The following DVL2 variants were observed in gnomAD, a reference collection of about 807,000 sequenced individuals.
DVL2 encodes dishevelled segment polarity protein 2.
Under a neutral mutation model 69.8 loss-of-function variants are expected in DVL2, and 38 were observed. The ratio of observed to expected loss-of-function variants is 0.54; its 90% CI spans 0.42 to 0.71. The LOEUF (loss-of-function observed/expected upper bound fraction) is 0.71, where lower values mean the gene tolerates loss of function less well. Among genes scored for constraint, DVL2 ranks in the 30% least tolerant of loss-of-function variants. The pLI, the probability that DVL2 is intolerant of heterozygous loss-of-function variation, is 0.00. For missense variants in DVL2, 931 were observed against 1,008.1 expected, an observed-to-expected ratio of 0.92 and a Z score of 1.04; for synonymous variants, 428 against 392.4, an observed-to-expected ratio of 1.09 and a Z score of -1.07.
chr17:7,226,353 G>A (rs2071447406), intron 14 of DVL2, 40 bp from the exon 15 acceptor site: 1 of 1,535,214 alleles, frequency 6.5e-7, no homozygotes, highest in African/African-American at 1.4e-5. Flanking sequence ...CCTCACCCAG[G>A]CTCCTCCCTG....
chr17:7,225,822 T>C lies in DVL2; in HGVS notation c.*43A>G, dbSNP rs186227085. 1 of 1,553,948 alleles carries C rather than the reference T, an allele frequency of 6.4e-7. No individual in the cohort carries two copies. Among genetic ancestry groups the C allele is most frequent in the East Asian group, 2.2e-5 (1 of 44,578 alleles). On this transcript the variant is annotated 3_prime_UTR_variant, in exon 15 of 15. Transcript: ENST00000005340. ...AGCACATGACGGCCAGGACACCCAGTCACACACCAGGAGCGCCCGGCCCAG... is the reference window on the plus strand; with the variant it reads ...AGCACATGACGGCCAGGACACCCAGCCACACACCAGGAGCGCCCGGCCCAG...
At chr17:7,227,051 G>T in intron 13 of DVL2, 39 bp downstream of exon 13, 1 of 1,569,126 alleles carries the variant, frequency 6.4e-7, no homozygotes. Context: ...AACAAGGTAG[G>T]CAAAGCCACA....
chr17:7,227,261 C>T lies in DVL2; in HGVS notation c.1372G>A (p.Val458Met), dbSNP rs770625484. Residue 458 changes from valine to methionine, a missense_variant, in exon 13 of 15, where the codon GTG becomes ATG. Transcript: ENST00000005340. ...TIPNAFLGSDVVDWLYHHVEG... is the reference protein window; with the variant it reads ...TIPNAFLGSDMVDWLYHHVEG... ...ACGTGATGGTAGAGCCAGTCAACCACATCCGAGCCTGGGAGCACCCACAGT... is the reference window on the plus strand; with the variant it reads ...ACGTGATGGTAGAGCCAGTCAACCATATCCGAGCCTGGGAGCACCCACAGT... 6.2e-7 allele frequency: 1 copy of T among 1,609,098 alleles called. No individual in the cohort carries two copies. The highest frequency in any genetic ancestry group is 8.5e-7 in the Non-Finnish European group (1 of 1,176,630).
chr17:7,227,448 C>T lies in DVL2; in HGVS notation c.1319G>A (p.Arg440Gln), dbSNP rs777251889. The stretch of plus-strand genomic sequence containing the variant: ...GGTGATCTTGAGCCACATGCGGTCC[C>T]GGACTTCCAGTCCAGACTCTGGAGC... ...MAAPESGLEV[R>Q]DRMWLKITIP... Residue 440 changes from arginine to glutamine, a missense_variant, in exon 12 of 15, where the codon CGG (arginine) becomes CAG (glutamine). Around this residue, in one of 3 missense-constraint regions of DVL2, gnomAD observed 62 missense variants for 105.7 expected, o/e 0.59. Coordinates refer to ENST00000005340, the MANE Select transcript of DVL2 (RefSeq NM_004422.3). 5.6e-6 allele frequency: 9 copies of T among 1,614,104 alleles called. No homozygotes were observed. Among genetic ancestry groups the T allele is most frequent in the South Asian group, 2.2e-5 (2 of 91,092 alleles).
In DVL2 at chr17:7,229,323, C is replaced by T. The variant is rs541162244; in HGVS notation, c.818-49G>A. On this transcript the variant is annotated intron_variant, in intron 7 of 14. Transcript: ENST00000005340. This position sits in a 1 kb window ranked among gnomAD's most constrained non-coding sequence, Gnocchi z 4.4. Reference sequence around the variant, plus strand: ...AGAGGAGCCCCTGCCACAGGACGCCCGGAACCCTAGAGACCAGGCCCTCCC... The same window carrying T: ...AGAGGAGCCCCTGCCACAGGACGCCTGGAACCCTAGAGACCAGGCCCTCCC... 110 of 1,613,208 alleles carry T rather than the reference C, an allele frequency of 6.8e-5. 2 individuals carry two copies. The South Asian group carries it at 7.4e-4, about 11-fold the overall frequency.
rs2071603282 is a variant in DVL2, at chr17:7,234,429, G to A, written c.-167C>T. On this transcript the variant is annotated 5_prime_UTR_variant, in exon 1 of 15. Transcript: ENST00000005340. ...CGGATCTGCGAGGGTGGCGGCGGGG[G>A]GCGGGCCGCGGGGTGCGACTCAAAG... 4 of 795,116 alleles carry A rather than the reference G, an allele frequency of 5.0e-6. No individual in the cohort carries two copies. Among genetic ancestry groups the A allele is most frequent in the Non-Finnish European group, 1.9e-6 (1 of 536,768 alleles). The allele number at this position is 795,116 out of a possible 1,614,324, so 49.3% of individuals were successfully genotyped here.
At position 7,234,379 on chromosome 17, in the gene DVL2, GGA is replaced by G; in HGVS notation, c.-119_-118del. The stretch of plus-strand genomic sequence containing the variant: ...GCGCGGACAGGACTGACCCAGTACG[GGA>G]GAGAAGCAAAGGGGAAAAAGCACGG... On this transcript the variant is annotated 5_prime_UTR_variant, in exon 1 of 15. Coordinates refer to ENST00000005340, the MANE Select transcript of DVL2 (RefSeq NM_004422.3). The G allele has an allele frequency of 8.3e-7, 1 of 1,200,660 alleles. No homozygotes were observed. The highest frequency in any genetic ancestry group is 1.5e-5 in the South Asian group (1 of 67,630). 74.4% of individuals were successfully genotyped at this position (1,200,660 alleles called of 1,614,324 possible).
In DVL2 at chr17:7,227,283, C is replaced by T. The variant is rs761918388; in HGVS notation, c.1364-14G>A. 1 of 1,602,778 alleles carries T rather than the reference C, an allele frequency of 6.2e-7. No homozygotes were observed. Among genetic ancestry groups the T allele is most frequent in the Non-Finnish European group, 8.5e-7 (1 of 1,172,476 alleles). ...CCACATCCGAGCCTGGGAGCACCCA[C>T]AGTGGAAAAAGGCCTCAGGTTCTTC... is the stretch of plus-strand genomic sequence containing the variant. On this transcript the variant is annotated splice_polypyrimidine_tract_variant and intron_variant, in intron 12 of 14. Transcript: ENST00000005340.
rs757899070 is a variant in DVL2, at chr17:7,234,118, G to A, written c.145C>T (p.Arg49Trp). 1.9e-6 allele frequency: 3 copies of A among 1,614,184 alleles called. No individual in the cohort carries two copies. ...TLGDFKSVLQ[R>W]PAGAKYFFKS... ...AAAAAGTACTTGGCGCCCGCGGGCC[G>A]CTGCAGGACGCTCTTGAAATCGCCG... The change falls in exon 1 of 15, where the codon CGG becomes TGG. Residue 49 changes from arginine to tryptophan, a missense_variant. By Grantham distance (101) the Arg-to-Trp change is moderately radical (BLOSUM62 -3). Around this residue, in one of 3 missense-constraint regions of DVL2, gnomAD observed 555 missense variants for 588.8 expected, o/e 0.94. Coordinates refer to ENST00000005340, the MANE Select transcript of DVL2 (RefSeq NM_004422.3).
intron 9 of DVL2, 106 bp downstream of exon 9, chr17:7,228,863 C>T (rs1233584878): frequency 1.3e-5 from 15 of 1,192,006 alleles, no homozygotes; most frequent in South Asian, 6.6e-5. Flanking sequence ...TTTACAGGCT[C>T]GAGCCACCAC....
At chr17:7,233,848 G>C in intron 1 of DVL2, 1 of 609,964 alleles carries the variant, frequency 1.6e-6, no homozygotes, top group Non-Finnish European at 2.9e-6. Flanking sequence ...GCCTAATCTT[G>C]TCTAATCTGG....
In DVL2 at chr17:7,230,745, C is replaced by T. The variant is rs767291565; in HGVS notation, c.247G>A (p.Gly83Arg). Residue 83 changes from glycine (G) to arginine (R), a missense_variant, in exon 2 of 15, where the codon GGA becomes AGA. Around this residue, in one of 3 missense-constraint regions of DVL2, gnomAD observed 555 missense variants for 588.8 expected, o/e 0.94. Transcript: ENST00000005340. ...DDNARLPCFNGRVVSWLVSSD... is the reference protein window; with the variant it reads ...DDNARLPCFNRRVVSWLVSSD... ...CCTCTTACCCAGGATACCACCCTTC[C>T]GTTGAAGCAGGGGAGGCGGGCGTTG... is the stretch of plus-strand genomic sequence containing the variant. 6 of 1,613,142 alleles carry T rather than the reference C, an allele frequency of 3.7e-6. No individual in the cohort carries two copies. Among genetic ancestry groups the T allele is most frequent in the East Asian group, 2.2e-5 (1 of 44,838 alleles).
chr17:7,230,342 G>A lies in DVL2; in HGVS notation c.353C>T (p.Pro118Leu), dbSNP rs1357471224. The change falls in exon 3 of 15, where the codon CCT (proline) becomes CTT (leucine). Residue 118 changes from proline to leucine, a missense_variant. This residue lies in a region of DVL2 where 555 missense variants were observed against 588.8 expected (regional missense o/e 0.94). Transcript: ENST00000005340. ...AELAPPAPPLPPLPPERTSGI... is the reference protein window; with the variant it reads ...AELAPPAPPLLPLPPERTSGI... ...GCTGGTCCTCTCGGGTGGCAAAGGA[G>A]GTAAAGGTGGGGCTGGAGGCGCCAG... 1 of 1,614,080 alleles carries A rather than the reference G, an allele frequency of 6.2e-7. No homozygotes were observed. Among genetic ancestry groups the A allele is most frequent in the African/African-American group, 1.3e-5 (1 of 74,910 alleles).
chr17:7,231,167 C>T (rs1229982756), intron 1 of DVL2, among the ~76,000 whole-genome samples: 1 of 152,260 alleles, frequency 6.6e-6, no homozygotes, highest in South Asian at 2.1e-4. Context: ...CTGTTCCTTA[C>T]AAACCTTCCA....
Position 7,226,501 on chromosome 17 carries a change from T to C in DVL2, c.1682A>G (p.Tyr561Cys). The change falls in exon 14 of 15, where the codon TAC becomes TGC. Residue 561 changes from tyrosine to cysteine, a missense_variant. Physicochemically the swap from Tyr to Cys is radical, Grantham distance 194. Transcript: ENST00000005340. ...ATGGTAGGGTGGAGGCTGCGGGCTG[T>C]AGGGGTGTGGGGCAGGGTATTGGTA... ...FSYQYPAPHP[Y>C]SPQPPPYHEL... The C allele has an allele frequency of 1.3e-6, 2 of 1,593,136 alleles. No individual in the cohort carries two copies. The highest frequency in any genetic ancestry group is 1.4e-5 in the African/African-American group (1 of 74,066).
Position 7,229,743 on chromosome 17 carries a change from C to A in DVL2, c.656+65G>T, listed in dbSNP as rs2071512580. ...GTGGTCATGGGGCCAAGAGAAAGAACAAGAGGATTGACTGGAAGACGAGAC... is the reference window on the plus strand; with the variant it reads ...GTGGTCATGGGGCCAAGAGAAAGAAAAAGAGGATTGACTGGAAGACGAGAC... On this transcript the variant is annotated intron_variant, in intron 5 of 14. Coordinates refer to ENST00000005340, the MANE Select transcript of DVL2 (RefSeq NM_004422.3). This position sits in a 1 kb window ranked among gnomAD's most constrained non-coding sequence, Gnocchi z 4.4. The A allele has an allele frequency of 6.3e-7, 1 of 1,586,612 alleles. No homozygotes were observed. Among genetic ancestry groups the A allele is most frequent in the Non-Finnish European group, 8.6e-7 (1 of 1,162,678 alleles).
At position 7,225,757 on chromosome 17, in the gene DVL2, G is replaced by A. The variant is rs2071434064; in HGVS notation, c.*108C>T. The A allele has an allele frequency of 1.2e-5, 12 of 967,354 alleles. No homozygotes were observed. The highest frequency in any genetic ancestry group is 1.9e-5 in the Non-Finnish European group (12 of 616,776). 59.9% of individuals were successfully genotyped at this position (967,354 alleles called of 1,614,324 possible). On this transcript the variant is annotated 3_prime_UTR_variant, in exon 15 of 15. Coordinates refer to ENST00000005340, the MANE Select transcript of DVL2 (RefSeq NM_004422.3). ...TCACAGTGGCCACAATCTCCTGTATGGCAGCAGCTGGTAGGCTGAGCCCAG... is the reference window on the plus strand; with the variant it reads ...TCACAGTGGCCACAATCTCCTGTATAGCAGCAGCTGGTAGGCTGAGCCCAG...
intron 1 of DVL2, among the ~76,000 whole-genome samples, chr17:7,231,152 C>T (rs1221786302): frequency 6.6e-6 from 1 of 152,158 alleles, no homozygotes; most frequent in African/African-American, 2.4e-5. Flanking sequence ...CTCTCAACCC[C>T]ACCCCTGTTC....
chr17:7,226,507 T>G lies in DVL2; in HGVS notation c.1676A>C (p.His559Pro), dbSNP rs1486933460. The G allele has an allele frequency of 6.3e-7, 1 of 1,599,062 alleles. No homozygotes were observed. Among genetic ancestry groups the G allele is most frequent in the African/African-American group, 1.3e-5 (1 of 74,330 alleles). Residue 559 changes from histidine to proline, a missense_variant, in exon 14 of 15, where the codon CAC (histidine) becomes CCC (proline). His to Pro is a moderately conservative substitution (Grantham distance 77). Coordinates refer to ENST00000005340, the MANE Select transcript of DVL2 (RefSeq NM_004422.3). ...GGGTGGAGGCTGCGGGCTGTAGGGG[T>G]GTGGGGCAGGGTATTGGTAGGAGAA... is the stretch of plus-strand genomic sequence containing the variant. ...PTFSYQYPAPHPYSPQPPPYH... is the reference protein window; with the variant it reads ...PTFSYQYPAPPPYSPQPPPYH...
Sources: gnomAD v4.1 joint callset for allele counts (sites outside exome capture counted in the v4.1 genomes callset) on GRCh38, gnomAD v4.1.1 for gene constraint, gnomAD v4.1.1 regional missense constraint, Gnocchi (gnomAD v3.1) non-coding constraint, MANE v1.5 for transcripts, NCBI Gene and HGNC (gene_info 2026-07-23, HGNC 2026-07-21) for gene names.